Variants in FOXP1 observed in about 807,000 individuals in gnomAD.
FOXP1 encodes forkhead box protein P1.
In FOXP1, 15 loss-of-function variants were observed where a neutral mutation model predicts 98.2. That is an observed-to-expected ratio of 0.15 (90% CI 0.10 to 0.24). The LOEUF is 0.24. Ranked by LOEUF, FOXP1 falls within the 10% of genes least tolerant of loss-of-function variation. The probability of loss-of-function intolerance (pLI) is 1.00; values close to 1 mark genes in which losing one functional copy is unlikely to be tolerated. For synonymous variants in FOXP1, 371 were observed against 314.5 expected (o/e 1.18, Z -1.90); for missense variants, 633 against 848.5 (o/e 0.75, Z 3.15).
intron 6 of FOXP1, among the ~76,000 whole-genome samples, chr3:71,135,166 G>A (rs1421968831): frequency 6.7e-6 from 1 of 150,056 alleles, no homozygotes; most frequent in Non-Finnish European, 1.5e-5. Flanking sequence ...GGCTAAGGCA[G>A]GAGAATTGCT....
At chr3:71,516,940 C>T (rs146198488) in intron 2 of FOXP1, among the ~76,000 whole-genome samples, 75 of 152,316 alleles carry the variant, frequency 4.9e-4, no homozygotes, top group African/African-American at 1.6e-3. Flanking sequence ...CATCCAGGGC[C>T]ACGTGTGTGT....
chr3:71,566,861 G>A (rs1170336430), intron 2 of FOXP1, among the ~76,000 whole-genome samples: 2 of 152,030 alleles, frequency 1.3e-5, no homozygotes, highest in Non-Finnish European at 2.9e-5. Context: ...TTGAGCCTGG[G>A]CCCTGGGTGC....
intron 4 of FOXP1, among the ~76,000 whole-genome samples, chr3:71,329,087 C>T (rs992647069): frequency 6.6e-6 from 1 of 151,818 alleles, no homozygotes; most frequent in Non-Finnish European, 1.5e-5. Flanking sequence ...CAGCCCTGAG[C>T]TCACGCCTGG....
At chr3:71,583,358 C>A (rs2048341908) in intron 1 of FOXP1, 4 of 778,018 alleles carry the variant, frequency 5.1e-6, no homozygotes, top group Non-Finnish European at 6.2e-6. Flanking sequence ...GGCCTCGACC[C>A]GGGGGGGAGA....
At position 71,582,087 on chromosome 3, in the gene FOXP1, G is replaced by A. The variant is rs999096242; in HGVS notation, c.-446-390C>T. ...GGGAGCTGCGCGGGAATGGGGGGCT[G>A]CAGGCAGCGATTTCGAAGCAAACAC... On this transcript the variant is annotated intron_variant, in intron 1 of 20. Coordinates refer to ENST00000649528, the MANE Select transcript of FOXP1 (RefSeq NM_001349338.3). 27 of 981,350 alleles carry A rather than the reference G, an allele frequency of 2.8e-5. No homozygotes were observed. In the Admixed American group the frequency reaches 3.7e-4, roughly 13 times the overall value. 60.8% of individuals were successfully genotyped at this position (981,350 alleles called of 1,614,324 possible).
chr3:71,013,807 G>A (rs1334561169), intron 12 of FOXP1, among the ~76,000 whole-genome samples: 3 of 152,148 alleles, frequency 2.0e-5, no homozygotes, highest in African/African-American at 7.2e-5. Context: ...CAGGGATATA[G>A]ACCAAGGGAA....
intron 20 of FOXP1, among the ~76,000 whole-genome samples, chr3:70,963,333 T>C (rs1272614776): frequency 6.6e-6 from 1 of 152,222 alleles, no homozygotes; most frequent in African/African-American, 2.4e-5. Context: ...GGGACATTTC[T>C]TGATGCCGGC....
At chr3:71,068,180 C>T (rs2052785546) in intron 7 of FOXP1, among the ~76,000 whole-genome samples, 1 of 152,110 alleles carries the variant, frequency 6.6e-6, no homozygotes, top group Non-Finnish European at 1.5e-5. Flanking sequence ...ATTAAGAAAC[C>T]TGTCAGTTGC....
intron 6 of FOXP1, among the ~76,000 whole-genome samples, chr3:71,176,687 G>A (rs893409822): frequency 2.1e-5 from 3 of 141,114 alleles, no homozygotes; most frequent in Non-Finnish European, 4.5e-5. Context: ...GCTGCAGTGA[G>A]CTATGATTGG....
chr3:71,390,085 G>A (rs1283542994), intron 3 of FOXP1, among the ~76,000 whole-genome samples: 1 of 152,186 alleles, frequency 6.6e-6, no homozygotes, highest in East Asian at 1.9e-4. Context: ...AGGGCTCGGA[G>A]CAGCTGGAGA....
chr3:71,285,700 A>G (rs757195328), intron 5 of FOXP1, among the ~76,000 whole-genome samples: 27 of 152,248 alleles, frequency 1.8e-4, no homozygotes, highest in Non-Finnish European at 1.8e-4. Context: ...CAACTTTTTA[A>G]CAGTCAAATT....
intron 3 of FOXP1, among the ~76,000 whole-genome samples, chr3:71,482,160 T>C (rs932646851): frequency 5.3e-5 from 8 of 152,076 alleles, no homozygotes; most frequent in African/African-American, 1.7e-4. Context: ...GAAGAAAAGT[T>C]CCTACTTCTA....
intron 14 of FOXP1, among the ~76,000 whole-genome samples, chr3:70,980,078 G>A (rs971374581): frequency 2.0e-5 from 3 of 152,078 alleles, no homozygotes; most frequent in Non-Finnish European, 4.4e-5. Flanking sequence ...TGCCATGAGC[G>A]GGTTTTTCTC....
At chr3:71,374,665 T>G (rs1257591778) in intron 3 of FOXP1, among the ~76,000 whole-genome samples, 1 of 152,116 alleles carries the variant, frequency 6.6e-6, no homozygotes, top group Non-Finnish European at 1.5e-5. Flanking sequence ...CCAAAGCTAT[T>G]GGAGGTAGCA....
chr3:71,562,202 C>T (rs1000489780), intron 2 of FOXP1, among the ~76,000 whole-genome samples: 20 of 152,192 alleles, frequency 1.3e-4, no homozygotes, highest in African/African-American at 2.7e-4. Flanking sequence ...CAATGATAAT[C>T]ACTGTGGGCA....
intron 3 of FOXP1, among the ~76,000 whole-genome samples, chr3:71,442,645 A>C (rs989430948): frequency 3.3e-5 from 5 of 151,904 alleles, no homozygotes; most frequent in Admixed American, 3.3e-4. Context: ...CCTCCATTCC[A>C]TGGTCTTGGT....
intron 3 of FOXP1, among the ~76,000 whole-genome samples, chr3:71,471,714 C>T (rs2089367774): frequency 1.3e-5 from 2 of 152,156 alleles, no homozygotes; most frequent in African/African-American, 2.4e-5. Context: ...AAAGCCATAC[C>T]TTCAAGGACC....
At chr3:71,383,862 T>C (rs1010301975) in intron 3 of FOXP1, among the ~76,000 whole-genome samples, 18 of 152,052 alleles carry the variant, frequency 1.2e-4, no homozygotes, top group Non-Finnish European at 2.5e-4. Context: ...AGAGGGTAAG[T>C]CAGGCAATTT....
chr3:70,965,306 C>G (rs1176908520), intron 20 of FOXP1, among the ~76,000 whole-genome samples: 1 of 152,190 alleles, frequency 6.6e-6, no homozygotes, highest in African/African-American at 2.4e-5. Context: ...CATGGGCAGC[C>G]ATCGCCCATC....
Sources: allele counts gnomAD v4.1 joint callset (sites outside exome capture counted in the v4.1 genomes callset), GRCh38; gene constraint gnomAD v4.1.1; transcripts MANE v1.5; gene names NCBI Gene and HGNC (gene_info 2026-07-23, HGNC 2026-07-21).